The following SLC6A9 variants were observed in gnomAD, a reference collection of about 807,000 sequenced individuals.
SLC6A9 encodes the protein solute carrier family 6 member 9.
SLC6A9 carries 31 observed loss-of-function variants against 70.9 expected under a neutral mutation model. The observed-to-expected ratio is 0.44, with a 90% CI of 0.33 to 0.59. The LOEUF (loss-of-function observed/expected upper bound fraction) is 0.59, where lower values mean the gene tolerates loss of function less well. SLC6A9 is among the 20% of genes least tolerant of loss of function. The probability of loss-of-function intolerance (pLI) is 0.04; values close to 1 mark genes in which losing one functional copy is unlikely to be tolerated. For synonymous variants in SLC6A9, 310 were observed against 341.3 expected (o/e 0.91, Z 1.01); for missense variants, 631 against 845.2 (o/e 0.75, Z 3.14).
At position 43,997,603 on chromosome 1, in the gene SLC6A9, G is replaced by T; in HGVS notation, c.1844C>A (p.Ala615Glu). Reference sequence around the variant, plus strand: ...ATTACTGCCCACAATGGGGATCTGCGCCTTGTCCGGGTGCAGTGGCTGGAC... The same window carrying T: ...ATTACTGCCCACAATGGGGATCTGCTCCTTGTCCGGGTGCAGTGGCTGGAC... ...FEVQPLHPDK[A>E]QIPIVGSNGS... Residue 615 changes from alanine to glutamate, a missense_variant, in exon 14 of 14, where the codon GCG becomes GAG. Physicochemically the swap from Ala to Glu is moderately radical, Grantham distance 107. Coordinates refer to ENST00000372310, the MANE Select transcript of SLC6A9 (RefSeq NM_001024845.3). This position sits in a 1 kb window ranked among gnomAD's most constrained non-coding sequence, Gnocchi z 4.4. 6.2e-7 allele frequency: 1 copy of T among 1,613,942 alleles called. No individual in the cohort carries two copies.
In SLC6A9 at chr1:44,009,223, C is replaced by CT. The variant is rs34741082; in HGVS notation, c.320-601dup. Among the ~76,000 whole-genome samples, 409 of 132,368 alleles carry CT rather than the reference C, an allele frequency of 3.1e-3. 2 individuals carry two copies. The highest frequency in any genetic ancestry group is 8.0e-3 in the African/African-American group (286 of 35,812). 86.8% of individuals were successfully genotyped at this position (132,368 alleles called of 152,430 possible). On this transcript the variant is annotated intron_variant, in intron 4 of 13. Coordinates refer to ENST00000372310, the MANE Select transcript of SLC6A9 (RefSeq NM_001024845.3). The stretch of plus-strand genomic sequence containing the variant: ...GTATTTTTAGTAGAGATGGGGTTTC[C>CT]TTTTTTTTTTTTTTGACATGGAGTC...
At chr1:44,030,566 G>C (rs1186608809) in intron 1 of SLC6A9, 1 of 152,444 alleles carries the variant, frequency 6.6e-6, no homozygotes, top group Non-Finnish European at 1.5e-5. Flanking sequence ...CGGTAATGAG[G>C]GTTGGGGTGG....
intron 5 of SLC6A9, among the ~76,000 whole-genome samples, 182 bp from the exon 6 acceptor site, chr1:44,003,167 C>T (rs1432093586): frequency 6.6e-6 from 1 of 152,268 alleles, no homozygotes; most frequent in Non-Finnish European, 1.5e-5. Context: ...CCACCTGCTG[C>T]AGCCCCTGGG....
intron 2 of SLC6A9, among the ~76,000 whole-genome samples, chr1:44,021,715 C>T (rs1329425433): frequency 1.3e-5 from 2 of 152,212 alleles, no homozygotes; most frequent in Admixed American, 1.3e-4. Context: ...AAGAAGAACC[C>T]TGTCAGAATG....
chr1:44,005,234 G>C (rs1363746625), intron 5 of SLC6A9, among the ~76,000 whole-genome samples: 1 of 152,164 alleles, frequency 6.6e-6, no homozygotes, highest in Admixed American at 6.5e-5. Flanking sequence ...AGGTGAGAAG[G>C]CCTGGTCACG....
chr1:44,009,714 G>A (rs1557681287), intron 4 of SLC6A9, among the ~76,000 whole-genome samples: 1 of 152,192 alleles, frequency 6.6e-6, no homozygotes, highest in Non-Finnish European at 1.5e-5. Flanking sequence ...CAAGGTCTTG[G>A]TAGGGGTAAG....
intron 5 of SLC6A9, 137 bp downstream of exon 5, chr1:44,008,216 C>G: frequency 1.2e-6 from 1 of 826,976 alleles, no homozygotes. Flanking sequence ...CTAAACTCTT[C>G]ACTCACCTCT....
chr1:44,010,313 G>A, intron 3 of SLC6A9: 1 of 564,304 alleles, frequency 1.8e-6, no homozygotes. Flanking sequence ...GTGGAATCCA[G>A]GTCCCAGAGC....
chr1:44,022,736 T>TTTTTTTTTTTA (rs2086910581), intron 2 of SLC6A9, among the ~76,000 whole-genome samples: 1 of 147,548 alleles, frequency 6.8e-6, no homozygotes, highest in African/African-American at 2.6e-5. Flanking sequence ...TTTTTTTTTT[T>TTTTTTTTTTTA]GAGACAGAGC....
rs1177105685 is a variant in SLC6A9, at chr1:44,001,606, G to C, written c.984C>G (p.Ile328Met). 6.2e-7 allele frequency: 1 copy of C among 1,613,628 alleles called. No individual in the cohort carries two copies. Among genetic ancestry groups the C allele is most frequent in the Admixed American group, 1.7e-5 (1 of 59,976 alleles). ...CATAGACGCTGGTGGCACAGTTGGT[G>C]ATGCTGATGATGACACTGTCCCTGA... The part of the protein sequence containing the change: ...NCYRDSVIIS[I>M]TNCATSVYAG... The change falls in exon 9 of 14, where the codon ATC (isoleucine) becomes ATG (methionine). Residue 328 changes from isoleucine (I) to methionine (M), a missense_variant. By Grantham distance (10) the Ile-to-Met change is conservative (BLOSUM62 1). Coordinates refer to ENST00000372310, the MANE Select transcript of SLC6A9 (RefSeq NM_001024845.3).
At chr1:44,024,992 CCTCT>C (rs2086955314) in intron 1 of SLC6A9, among the ~76,000 whole-genome samples, 1 of 152,302 alleles carries the variant, frequency 6.6e-6, no homozygotes, top group Middle Eastern at 3.4e-3. Flanking sequence ...CTTTTCTGAC[CCTCT>C]CTCTCAAAAG....
At chr1:44,012,494 C>G (rs1317690693) in intron 2 of SLC6A9, among the ~76,000 whole-genome samples, 1 of 152,270 alleles carries the variant, frequency 6.6e-6, no homozygotes, top group Non-Finnish European at 1.5e-5. Flanking sequence ...CAGAGCAAAT[C>G]AGTGGCTGAA....
intron 2 of SLC6A9, among the ~76,000 whole-genome samples, chr1:44,023,938 C>T (rs752670913): frequency 1.1e-4 from 17 of 152,234 alleles, no homozygotes; most frequent in Non-Finnish European, 2.1e-4. Context: ...AGACTGAAGG[C>T]GCCTGCACAG....
chr1:43,998,996 C>A (rs1458322137), intron 12 of SLC6A9, among the ~76,000 whole-genome samples: 1 of 148,386 alleles, frequency 6.7e-6, no homozygotes, highest in Non-Finnish European at 1.5e-5. Context: ...GGGGGGCAGT[C>A]CCAGCACCCT....
intron 2 of SLC6A9, chr1:44,016,702 G>C: frequency 4.0e-6 from 1 of 249,540 alleles, no homozygotes; most frequent in Middle Eastern, 1.2e-3. Flanking sequence ...AGACAATGAG[G>C]CTGTATTGAT....
intron 1 of SLC6A9, among the ~76,000 whole-genome samples, chr1:44,026,212 C>A (rs1404602563): frequency 6.6e-6 from 1 of 152,202 alleles, no homozygotes; most frequent in South Asian, 2.1e-4. Flanking sequence ...CGCGGGTGTG[C>A]TCCCTTAAAA....
intron 5 of SLC6A9, among the ~76,000 whole-genome samples, chr1:44,007,930 G>A (rs1463924467): frequency 1.4e-5 from 2 of 140,308 alleles, no homozygotes; most frequent in African/African-American, 5.4e-5. Context: ...TTGCTCTGTC[G>A]CCCAGGCTGA....
intron 2 of SLC6A9, 61 bp downstream of exon 2, chr1:44,024,187 A>G: frequency 6.5e-7 from 1 of 1,539,196 alleles, no homozygotes; most frequent in Admixed American, 1.7e-5. Context: ...AGCTGGCAGG[A>G]GGTCCTGGGG....
chr1:44,001,623 T>A lies in SLC6A9; in HGVS notation c.967A>T (p.Ser323Cys), dbSNP rs1377438821. The change falls in exon 9 of 14, where the codon AGT becomes TGT. Residue 323 changes from serine (S) to cysteine (C), a missense_variant. Coordinates refer to ENST00000372310, the MANE Select transcript of SLC6A9 (RefSeq NM_001024845.3). ...CAGTTGGTGATGCTGATGATGACAC[T>A]GTCCCTGATGGGGAGGAAAACAGAG... ...NKFHNNCYRD[S>C]VIISITNCAT... 1 of 1,609,482 alleles carries A rather than the reference T, an allele frequency of 6.2e-7. No homozygotes were observed. The highest frequency in any genetic ancestry group is 1.3e-5 in the African/African-American group (1 of 74,836).
Sources: allele counts gnomAD v4.1 joint callset (sites outside exome capture counted in the v4.1 genomes callset), GRCh38; gene constraint gnomAD v4.1.1; non-coding constraint Gnocchi (gnomAD v3.1); transcripts MANE v1.5; gene names NCBI Gene and HGNC (gene_info 2026-07-23, HGNC 2026-07-21).